The following NFATC2 variants were observed in gnomAD, a reference collection of about 807,000 sequenced individuals.
NFATC2 encodes the protein nuclear factor of activated T-cells, cytoplasmic 2.
A neutral mutation model predicts 87.3 loss-of-function variants in NFATC2; 22 were observed. The observed-to-expected ratio is 0.25, with a 90% CI of 0.18 to 0.36. The LOEUF is 0.36. NFATC2 is among the 10% of genes least tolerant of loss of function. The pLI is 1.00. For synonymous variants in NFATC2, 565 were observed against 542.2 expected, an observed-to-expected ratio of 1.04 and a Z score of -0.58; for missense variants, 1,149 against 1,259.1, an observed-to-expected ratio of 0.91 and a Z score of 1.32.
chr20:51,483,981 T>C (rs6067793), intron 3 of NFATC2, among the ~76,000 whole-genome samples: 36,395 of 151,730 alleles, frequency 0.24, 4,596 homozygotes, highest in African/African-American at 0.3. Flanking sequence ...TTGCCACCTC[T>C]GCTAAAATCG....
In NFATC2 at chr20:51,432,543, G is replaced by GC; in HGVS notation, c.2245dup (p.Ala749GlyfsTer135). The GC allele has an allele frequency of 6.5e-7, 1 of 1,549,366 alleles. No homozygotes were observed. Among genetic ancestry groups the GC allele is most frequent in the Non-Finnish European group, 8.7e-7 (1 of 1,149,538 alleles). The stretch of plus-strand genomic sequence containing the variant: ...GCTCTTGCTCCGCTGGTAGAGTACG[G>GC]CCGCTGGGTTCTGTTGCTGGTAGCG... On this transcript the variant is annotated frameshift_variant, in exon 9 of 11. Transcript: ENST00000371564. LOFTEE classifies it high-confidence loss of function. The surrounding 1 kb of genome is among the most constrained non-coding windows in gnomAD (Gnocchi z 4.6).
intron 9 of NFATC2, among the ~76,000 whole-genome samples, chr20:51,415,776 C>A (rs1330222279): frequency 6.6e-6 from 1 of 152,212 alleles, no homozygotes; most frequent in Non-Finnish European, 1.5e-5. Context: ...CACCCTCTCA[C>A]CAATACCGCA....
intron 5 of NFATC2, among the ~76,000 whole-genome samples, chr20:51,464,429 G>A (rs745703722): frequency 1.3e-5 from 2 of 152,250 alleles, no homozygotes; most frequent in Non-Finnish European, 2.9e-5. Flanking sequence ...GTAAGTGGCA[G>A]AGGCAGGATT....
chr20:51,437,553 G>A (rs77442367), intron 6 of NFATC2, among the ~76,000 whole-genome samples: 2,797 of 152,196 alleles, frequency 0.018, 39 homozygotes, highest in Non-Finnish European at 0.028. Flanking sequence ...GACTTCAAGC[G>A]TTCTTAAACA....
chr20:51,561,404 A>AAAAGAAAGAGAGAGAAAGG (rs2077022269), intron 1 of NFATC2, among the ~76,000 whole-genome samples: 4 of 148,124 alleles, frequency 2.7e-5, no homozygotes, highest in Non-Finnish European at 5.9e-5. Flanking sequence ...AGAGAGAAAG[A>AAAAGAAAGAGAGAGAAAGG]AAAGAAAGAA....
intron 1 of NFATC2, among the ~76,000 whole-genome samples, chr20:51,528,794 C>G (rs2076587036): frequency 6.6e-6 from 1 of 152,192 alleles, no homozygotes; most frequent in African/African-American, 2.4e-5. Flanking sequence ...GAGTGCAGTC[C>G]TGCTCCGCCA....
upstream of NFATC2, among the ~76,000 whole-genome samples, chr20:51,544,720 G>C (rs112492466): frequency 6.4e-4 from 97 of 152,308 alleles, no homozygotes; most frequent in African/African-American, 2.3e-3. Context: ...TGTATTCAAC[G>C]ACCTGAGCAC....
chr20:51,392,914 T>C (rs1461045115), intron 10 of NFATC2, among the ~76,000 whole-genome samples: 1 of 152,218 alleles, frequency 6.6e-6, no homozygotes, highest in African/African-American at 2.4e-5. Context: ...GATTCTCAGC[T>C]CGTTCTCTGA....
At chr20:51,417,384 G>A (rs1239919386) in intron 9 of NFATC2, among the ~76,000 whole-genome samples, 2 of 151,978 alleles carry the variant, frequency 1.3e-5, no homozygotes, top group African/African-American at 2.4e-5. Context: ...TTTCCATGAC[G>A]CCGCCGTCAT....
At chr20:51,483,730 C>A (rs911519638) in intron 3 of NFATC2, among the ~76,000 whole-genome samples, 2 of 151,876 alleles carry the variant, frequency 1.3e-5, no homozygotes, top group Non-Finnish European at 2.9e-5. Context: ...AATAACAACC[C>A]TAACTCTTGG....
intron 6 of NFATC2, among the ~76,000 whole-genome samples, chr20:51,437,753 A>G (rs1159815083): frequency 6.6e-6 from 1 of 152,210 alleles, no homozygotes; most frequent in African/African-American, 2.4e-5. Context: ...AGGGAAAAGA[A>G]CAGGCAGTTT....
intron 6 of NFATC2, among the ~76,000 whole-genome samples, chr20:51,439,329 C>CCAGG (rs1984006793): frequency 6.6e-6 from 1 of 152,204 alleles, no homozygotes; most frequent in Admixed American, 6.5e-5. Flanking sequence ...GGGGAGGACA[C>CCAGG]CAGGCACAGA....
intron 10 of NFATC2, among the ~76,000 whole-genome samples, chr20:51,394,059 A>G (rs1426259127): frequency 6.6e-6 from 1 of 152,174 alleles, no homozygotes; most frequent in Non-Finnish European, 1.5e-5. Context: ...GACCCTATGC[A>G]CTTAGACCTT....
chr20:51,528,048 C>G, intron 1 of NFATC2, among the ~76,000 whole-genome samples: 1 of 148,072 alleles, frequency 6.8e-6, no homozygotes, highest in Non-Finnish European at 1.5e-5. Context: ...ATCGTACCAC[C>G]ACCTCCCAGC....
intron 10 of NFATC2, among the ~76,000 whole-genome samples, chr20:51,396,544 C>G (rs971255148): frequency 6.6e-6 from 1 of 152,194 alleles, no homozygotes; most frequent in Non-Finnish European, 1.5e-5. Context: ...TTTCCAAAAT[C>G]TGGTGAGACC....
At chr20:51,411,997 G>T (rs1314977899) in intron 9 of NFATC2, among the ~76,000 whole-genome samples, 1 of 152,112 alleles carries the variant, frequency 6.6e-6, no homozygotes, top group Non-Finnish European at 1.5e-5. Flanking sequence ...CCCCATTAGG[G>T]TGAGCGAGCC....
upstream of NFATC2, chr20:51,562,693 C>A (rs1365652816): frequency 2.7e-5 from 39 of 1,462,832 alleles, 1 homozygote; most frequent in Non-Finnish European, 3.5e-5. This position sits in a 1 kb window ranked among gnomAD's most constrained non-coding sequence, Gnocchi z 5.8. Flanking sequence ...GACCAGCAGC[C>A]GAGGGGACGC....
At chr20:51,536,348 C>T (rs62228274) in intron 1 of NFATC2, among the ~76,000 whole-genome samples, 2,761 of 152,232 alleles carry the variant, frequency 0.018, 41 homozygotes, top group Non-Finnish European at 0.031. Flanking sequence ...ACCTAGAATG[C>T]TCAGTGCCCA....
intron 1 of NFATC2, among the ~76,000 whole-genome samples, chr20:51,541,357 C>T (rs2076813397): frequency 6.6e-6 from 1 of 152,140 alleles, no homozygotes; most frequent in African/African-American, 2.4e-5. Flanking sequence ...CTGTCAAAAT[C>T]AGGAAGCCTG....
Sources: gnomAD v4.1 joint callset for allele counts (sites outside exome capture counted in the v4.1 genomes callset) on GRCh38, gnomAD v4.1.1 for gene constraint, Gnocchi (gnomAD v3.1) non-coding constraint, MANE v1.5 for transcripts, NCBI Gene and HGNC (gene_info 2026-07-23, HGNC 2026-07-21) for gene names.